CRACR2A: variants seen among roughly 807,000 people sequenced by gnomAD.
CRACR2A encodes the protein calcium release activated channel regulator 2A.
A neutral mutation model predicts 90.5 loss-of-function variants in CRACR2A; 79 were observed. The observed-to-expected ratio is 0.87, with a 90% CI of 0.73 to 1.05. The LOEUF (loss-of-function observed/expected upper bound fraction) is 1.05, where lower values mean the gene tolerates loss of function less well. Ranked by LOEUF, CRACR2A falls within the 50% of genes least tolerant of loss-of-function variation. The pLI is 0.00. For synonymous variants in CRACR2A, 338 were observed against 356.7 expected, an observed-to-expected ratio of 0.95 and a Z score of 0.59; for missense variants, 823 against 897.2, an observed-to-expected ratio of 0.92 and a Z score of 1.06.
chr12:3,734,706 T>G (rs911915669), intron 1 of CRACR2A, among the ~76,000 whole-genome samples: 1 of 151,906 alleles, frequency 6.6e-6, no homozygotes, highest in African/African-American at 2.4e-5. Flanking sequence ...ACCCTACCAT[T>G]TGCGACAGCA....
intron 2 of CRACR2A, among the ~76,000 whole-genome samples, chr12:3,724,942 T>C (rs1307047890): frequency 1.3e-5 from 2 of 152,050 alleles, no homozygotes; most frequent in Admixed American, 6.6e-5. Flanking sequence ...TTTTCCAAAA[T>C]AGGACAGGAG....
chr12:3,693,558 C>T (rs574241868), intron 4 of CRACR2A, among the ~76,000 whole-genome samples: 3 of 152,224 alleles, frequency 2.0e-5, no homozygotes, highest in East Asian at 3.9e-4. Context: ...CTTATTTCTC[C>T]GCTTATGAAG....
At chr12:3,751,446 C>T (rs1406608921) in intron 1 of CRACR2A, among the ~76,000 whole-genome samples, 1 of 152,202 alleles carries the variant, frequency 6.6e-6, no homozygotes, top group Non-Finnish European at 1.5e-5. Flanking sequence ...AACAACACTT[C>T]CCTTCTTAGA....
intron 15 of CRACR2A, among the ~76,000 whole-genome samples, chr12:3,631,719 T>C (rs1288656102): frequency 6.6e-6 from 1 of 152,084 alleles, no homozygotes; most frequent in East Asian, 1.9e-4. Flanking sequence ...CCAGGTGTGA[T>C]AACAGTGTAA....
At chr12:3,669,830 G>A (rs1945209560) in intron 7 of CRACR2A, among the ~76,000 whole-genome samples, 1 of 152,198 alleles carries the variant, frequency 6.6e-6, no homozygotes, top group Non-Finnish European at 1.5e-5. Context: ...ATATGGCCCA[G>A]CCTGGGAGGC....
At chr12:3,691,164 A>G (rs1287607144) in intron 4 of CRACR2A, among the ~76,000 whole-genome samples, 2 of 152,200 alleles carry the variant, frequency 1.3e-5, no homozygotes, top group African/African-American at 4.8e-5. Context: ...CAAGGTTATT[A>G]TTAACATGTG....
chr12:3,649,759 G>A (rs763747831), intron 10 of CRACR2A, among the ~76,000 whole-genome samples: 4 of 151,102 alleles, frequency 2.6e-5, no homozygotes, highest in Non-Finnish European at 5.9e-5. Flanking sequence ...AATAGTTGTA[G>A]GAAGAAAGAA....
chr12:3,625,989 A>T (rs1223025697), intron 17 of CRACR2A, among the ~76,000 whole-genome samples: 1 of 152,242 alleles, frequency 6.6e-6, no homozygotes, highest in Non-Finnish European at 1.5e-5. Context: ...GGATTCACCC[A>T]TACCATTTGC....
chr12:3,724,639 T>A (rs558610958), intron 2 of CRACR2A, among the ~76,000 whole-genome samples: 1 of 152,306 alleles, frequency 6.6e-6, no homozygotes, highest in Admixed American at 6.5e-5. Flanking sequence ...TTCTAAGACA[T>A]TGGCAGGGCC....
Position 3,633,714 on chromosome 12 carries a change from G to T in CRACR2A, c.1625C>A (p.Pro542His). Residue 542 changes from proline (P) to histidine (H), a missense_variant, in exon 15 of 20, where the codon CCT (proline) becomes CAT (histidine). By Grantham distance (77) the Pro-to-His change is moderately conservative. Transcript: ENST00000440314. The surrounding 1 kb of genome is among the most constrained non-coding windows in gnomAD (Gnocchi z 4.5). ...LCKEESSPSA[P>H]DRLFKIVFVG... ...GAACACAATCTTGAAGAGCCGGTCA[G>T]GGGCAGAGGGAGAGCTTTCCTCCTG... 1 of 1,551,756 alleles carries T rather than the reference G, an allele frequency of 6.4e-7. No homozygotes were observed. The highest frequency in any genetic ancestry group is 8.7e-7 in the Non-Finnish European group (1 of 1,147,008).
intron 2 of CRACR2A, chr12:3,729,702 C>T (rs1371247659): frequency 6.6e-6 from 1 of 151,868 alleles, no homozygotes; most frequent in Non-Finnish European, 1.5e-5. Flanking sequence ...GACTCTGTCT[C>T]AAGAAAAAAC....
intron 1 of CRACR2A, among the ~76,000 whole-genome samples, chr12:3,734,140 TTTTTTAAAAAATA>T (rs1946408900): frequency 6.6e-6 from 1 of 151,896 alleles, no homozygotes; most frequent in Non-Finnish European, 1.5e-5. Flanking sequence ...CCGGCTAATT[TTTTTTAAAAAATA>T]TTTTTAGTAG....
intron 7 of CRACR2A, among the ~76,000 whole-genome samples, chr12:3,666,364 T>TGCGC (rs1555112150): frequency 5.4e-5 from 8 of 149,496 alleles, no homozygotes; most frequent in African/African-American, 2.0e-4. Context: ...TGCGTGCGTG[T>TGCGC]GCGCGTGCGC....
intron 7 of CRACR2A, among the ~76,000 whole-genome samples, chr12:3,660,870 ACACACACACACACACAC>A (rs1266442736): frequency 2.6e-4 from 38 of 144,456 alleles, no homozygotes; most frequent in East Asian, 9.5e-4. Context: ...ACACACACAC[ACACACACACACACACAC>A]AATTTTGGCC....
chr12:3,717,426 T>C (rs1701528033), intron 2 of CRACR2A, among the ~76,000 whole-genome samples: 1 of 152,152 alleles, frequency 6.6e-6, no homozygotes, highest in African/African-American at 2.4e-5. Flanking sequence ...ACTCAAATAC[T>C]TCCAAGTGCT....
At chr12:3,649,247 A>AATAAATAT (rs1555108939) in intron 10 of CRACR2A, among the ~76,000 whole-genome samples, 1 of 150,340 alleles carries the variant, frequency 6.7e-6, no homozygotes, top group Admixed American at 6.6e-5. Context: ...AAGATAAATA[A>AATAAATAT]ATAAATAAAT....
chr12:3,752,357 GACACACACACACAGAC>G (rs1393143793), intron 1 of CRACR2A, among the ~76,000 whole-genome samples: 7 of 23,856 alleles, frequency 2.9e-4, no homozygotes, highest in African/African-American at 5.6e-4. Context: ...CACACACACG[GACACACACACACAGAC>G]ACACACACAC....
At chr12:3,736,733 ATGT>A (rs1337034467) in intron 1 of CRACR2A, among the ~76,000 whole-genome samples, 5 of 152,224 alleles carry the variant, frequency 3.3e-5, no homozygotes, top group African/African-American at 1.2e-4. Flanking sequence ...AAAGGAAATA[ATGT>A]TGTCTCAAAA....
intron 1 of CRACR2A, among the ~76,000 whole-genome samples, chr12:3,747,833 C>G (rs545279033): frequency 6.6e-6 from 1 of 152,348 alleles, no homozygotes; most frequent in South Asian, 2.1e-4. Flanking sequence ...CCCTTCTCAC[C>G]TTTCCTCTAA....
Sources: gnomAD v4.1 joint callset for allele counts (sites outside exome capture counted in the v4.1 genomes callset) on GRCh38, gnomAD v4.1.1 for gene constraint, Gnocchi (gnomAD v3.1) non-coding constraint, MANE v1.5 for transcripts, NCBI Gene and HGNC (gene_info 2026-07-23, HGNC 2026-07-21) for gene names.